ACSM2B: variants seen among roughly 807,000 people sequenced by gnomAD.
ACSM2B encodes the protein acyl-coenzyme A synthetase ACSM2B, mitochondrial.
ACSM2B carries 58 observed loss-of-function variants against 78.6 expected under a neutral mutation model. That is an observed-to-expected ratio of 0.74 (90% CI 0.60 to 0.92). ACSM2B has a LOEUF of 0.92. Ranked by LOEUF, ACSM2B falls within the 40% of genes least tolerant of loss-of-function variation. The pLI, the probability that ACSM2B is intolerant of heterozygous loss-of-function variation, is 0.00. For synonymous variants in ACSM2B, 257 were observed against 256.8 expected (o/e 1.00, Z -0.01); for missense variants, 688 against 711.2 (o/e 0.97, Z 0.37).
chr16:20,576,039 G>A (rs554881736), intron 1 of ACSM2B, among the ~76,000 whole-genome samples, 168 bp downstream of exon 1: 10 of 148,034 alleles, frequency 6.8e-5, no homozygotes, highest in African/African-American at 2.6e-4. Flanking sequence ...CTTTTCCTCT[G>A]CCCAGTGTTT....
Position 20,546,878 on chromosome 16 carries a change from GGATATATGA to G in ACSM2B, c.1099-413_1099-405del, listed in dbSNP as rs561961941. 150 of 172,618 alleles carry G rather than the reference GGATATATGA, an allele frequency of 8.7e-4. 1 individual carries two copies. The highest frequency in any genetic ancestry group is 1.4e-3 in the Non-Finnish European group (121 of 85,826). The allele number at this position is 172,618 out of a possible 1,614,324, so 10.7% of individuals were successfully genotyped here. ...AATTTTTGTGGTGTATCTATTTATGGGATATATGAGATGTTTTGATACAGGCATGCAATA... is the reference window on the plus strand; with the variant it reads ...AATTTTTGTGGTGTATCTATTTATGGGATGTTTTGATACAGGCATGCAATA... On this transcript the variant is annotated intron_variant, in intron 8 of 13. Transcript: ENST00000329697.
intron 1 of ACSM2B, among the ~76,000 whole-genome samples, chr16:20,566,226 C>T (rs1373903042): frequency 2.4e-5 from 3 of 123,866 alleles, no homozygotes; most frequent in South Asian, 2.6e-4. Flanking sequence ...CTCTCCCATA[C>T]CATACTGCCT....
At chr16:20,567,467 A>G (rs1239317325) in intron 1 of ACSM2B, among the ~76,000 whole-genome samples, 1 of 118,858 alleles carries the variant, frequency 8.4e-6, no homozygotes, top group Non-Finnish European at 1.6e-5. Flanking sequence ...ATAACATATA[A>G]TAATAGTATA....
Position 20,559,997 on chromosome 16 carries a change from T to A in ACSM2B, c.178-550A>T, listed in dbSNP as rs1468287667. Among the ~76,000 whole-genome samples the A allele has an allele frequency of 4.0e-5, 6 of 151,136 alleles. 1 individual carries two copies. The highest frequency in any genetic ancestry group is 9.9e-5 in the African/African-American group (4 of 40,516). On this transcript the variant is annotated intron_variant, in intron 2 of 13. Transcript: ENST00000329697. The stretch of plus-strand genomic sequence containing the variant: ...TTTATCTCTATCTACTTACTTTTTT[T>A]AATTTTGTGGTAAAAATACACATAA...
intron 1 of ACSM2B, among the ~76,000 whole-genome samples, chr16:20,566,286 G>C (rs865930400): frequency 7.5e-5 from 5 of 66,924 alleles, no homozygotes; most frequent in Non-Finnish European, 1.6e-4. Flanking sequence ...TATATATATA[G>C]ACAGATATAT....
intron 10 of ACSM2B, 72 bp downstream of exon 10, chr16:20,545,085 T>A (rs1285180617): frequency 2.0e-6 from 3 of 1,503,160 alleles, no homozygotes; most frequent in Non-Finnish European, 9.0e-7. Context: ...TTCAGAACAT[T>A]TGTCCTCCCT....
At chr16:20,561,557 C>T (rs1404398477) in intron 2 of ACSM2B, among the ~76,000 whole-genome samples, 1 of 151,844 alleles carries the variant, frequency 6.6e-6, no homozygotes, top group African/African-American at 2.4e-5. Context: ...TCCACCAGGC[C>T]CTACCTCCAA....
At chr16:20,560,300 G>A (rs1380264259) in intron 2 of ACSM2B, among the ~76,000 whole-genome samples, 1 of 151,818 alleles carries the variant, frequency 6.6e-6, no homozygotes, top group Admixed American at 6.5e-5. Context: ...AATCCCCAAT[G>A]TCAGAGGTGG....
intron 3 of ACSM2B, among the ~76,000 whole-genome samples, chr16:20,558,295 C>A (rs553781894): frequency 8.6e-5 from 13 of 150,732 alleles, no homozygotes; most frequent in African/African-American, 2.9e-4. Context: ...AAGACAGCTT[C>A]AACCCATGTT....
intron 2 of ACSM2B, among the ~76,000 whole-genome samples, chr16:20,561,040 A>T (rs1297950804): frequency 6.6e-6 from 1 of 152,086 alleles, no homozygotes; most frequent in Non-Finnish European, 1.5e-5. Flanking sequence ...TCAAGATTTG[A>T]CCTGAATGTT....
chr16:20,542,835 G>T lies in ACSM2B; in HGVS notation c.1509+79C>A. On this transcript the variant is annotated intron_variant, in intron 12 of 13. Coordinates refer to ENST00000329697, the MANE Select transcript of ACSM2B (RefSeq NM_001105069.2). The stretch of plus-strand genomic sequence containing the variant: ...GGGTCTCAGAGTGTTCAGCCCCACA[G>T]TCCCTGTTCTTAAACCATCATACTA... The T allele has an allele frequency of 2.6e-6, 4 of 1,566,640 alleles. No individual in the cohort carries two copies. In the South Asian group the frequency reaches 3.5e-5, roughly 14 times the overall value.
intron 9 of ACSM2B, 125 bp from the exon 10 acceptor site, chr16:20,545,383 C>T (rs201035938): frequency 8.7e-7 from 1 of 1,151,198 alleles, no homozygotes; most frequent in South Asian, 2.0e-5. Context: ...AAAACGACAA[C>T]CAAAAACCAA....
chr16:20,561,428 G>C (rs1267590597), intron 2 of ACSM2B, among the ~76,000 whole-genome samples: 1 of 151,258 alleles, frequency 6.6e-6, no homozygotes, highest in Admixed American at 6.6e-5. Flanking sequence ...GAACAAGAGA[G>C]AGAGCGTGGG....
intron 1 of ACSM2B, among the ~76,000 whole-genome samples, chr16:20,571,443 T>A (rs1280894653): frequency 6.6e-6 from 1 of 151,980 alleles, no homozygotes; most frequent in Non-Finnish European, 1.5e-5. Flanking sequence ...GTACTTGATA[T>A]AATTTCACTT....
At position 20,541,546 on chromosome 16, in the gene ACSM2B, C is replaced by G. The variant is rs13332610; in HGVS notation, c.1510-773G>C. Among the ~76,000 whole-genome samples, 1,241 of 152,118 alleles carry G rather than the reference C, an allele frequency of 8.2e-3. 18 individuals carry two copies. The highest frequency in any genetic ancestry group is 0.029 in the African/African-American group (1,210 of 41,452). On this transcript the variant is annotated intron_variant, in intron 12 of 13. Transcript: ENST00000329697. Reference sequence around the variant, plus strand: ...TCTGTGCTTCTGGTCAGGAATAAGACTCTGATTCAAATATCAAACAGCAGG... The same window carrying G: ...TCTGTGCTTCTGGTCAGGAATAAGAGTCTGATTCAAATATCAAACAGCAGG...
chr16:20,563,255 G>T (rs893211230), intron 2 of ACSM2B, among the ~76,000 whole-genome samples: 6 of 152,098 alleles, frequency 3.9e-5, no homozygotes, highest in Non-Finnish European at 7.4e-5. Context: ...GGGAGGGTGA[G>T]AATTTTTTAT....
chr16:20,569,602 C>T (rs1288998644), intron 1 of ACSM2B, among the ~76,000 whole-genome samples: 2 of 151,080 alleles, frequency 1.3e-5, no homozygotes, highest in African/African-American at 2.4e-5. Context: ...TTCTCTAGTT[C>T]TGTGAAGAAT....
At chr16:20,542,860 A>G (rs1288308678) in intron 12 of ACSM2B, 54 bp downstream of exon 12, 2 of 1,606,582 alleles carry the variant, frequency 1.2e-6, no homozygotes, top group South Asian at 1.1e-5. Flanking sequence ...CCATCATACT[A>G]CACTGCCCTT....
rs192369222 is a variant in ACSM2B, at chr16:20,564,566, C to T, written c.177+103G>A. 5.5e-5 allele frequency: 82 copies of T among 1,481,198 alleles called. No homozygotes were observed. The East Asian group carries it at 1.9e-3, about 34-fold the overall frequency. 91.8% of individuals were successfully genotyped at this position (1,481,198 alleles called of 1,614,324 possible). ...GTCTTGTCCATAGCTTATTACAGTG[C>T]CTTACATGTAATAAGTACTTAACAA... On this transcript the variant is annotated intron_variant, in intron 2 of 13. Coordinates refer to ENST00000329697, the MANE Select transcript of ACSM2B (RefSeq NM_001105069.2).
Sources: allele counts gnomAD v4.1 joint callset (sites outside exome capture counted in the v4.1 genomes callset), GRCh38; gene constraint gnomAD v4.1.1; transcripts MANE v1.5; gene names NCBI Gene and HGNC (gene_info 2026-07-23, HGNC 2026-07-21).